Variants in KCTD2 observed in about 807,000 individuals in gnomAD.
KCTD2 encodes the protein BTB/POZ domain-containing protein KCTD2.
KCTD2 carries 18 observed loss-of-function variants against 27.9 expected under a neutral mutation model. The observed-to-expected ratio is 0.64, with a 90% CI of 0.45 to 0.96. The LOEUF (loss-of-function observed/expected upper bound fraction) is 0.96. KCTD2 is among the 40% of genes least tolerant of loss of function. The pLI, the probability that KCTD2 is intolerant of heterozygous loss-of-function variation, is 0.00. For missense variants in KCTD2, 280 were observed against 348.0 expected (o/e 0.80, Z 1.56); for synonymous variants, 175 against 148.4 (o/e 1.18, Z -1.30).
chr17:75,052,942 C>T (rs1314000498), intron 2 of KCTD2, 72 bp from the exon 3 acceptor site: 2 of 1,082,122 alleles, frequency 1.8e-6, no homozygotes, highest in Non-Finnish European at 2.9e-6. Flanking sequence ...AGCATGTAAC[C>T]TTCATCCTCT....
At chr17:75,053,975 C>T (rs2073322467) in intron 3 of KCTD2, among the ~76,000 whole-genome samples, 1 of 146,464 alleles carries the variant, frequency 6.8e-6, no homozygotes, top group African/African-American at 2.5e-5. Flanking sequence ...AACCATGCTT[C>T]TAAGAACATA....
intron 2 of KCTD2, among the ~76,000 whole-genome samples, chr17:75,034,517 A>C (rs963167798): frequency 1.3e-5 from 2 of 152,148 alleles, no homozygotes; most frequent in Non-Finnish European, 2.9e-5. Flanking sequence ...GTAAGACGCT[A>C]AACCCACGTG....
At chr17:75,052,948 C>T (rs1274013176) in intron 2 of KCTD2, 66 bp from the exon 3 acceptor site, 12 of 1,127,396 alleles carry the variant, frequency 1.1e-5, no homozygotes, top group Admixed American at 8.5e-5. Context: ...TAACCTTCAT[C>T]CTCTCCTTGG....
At chr17:75,041,905 C>T (rs28501229) in intron 3 of KCTD2, 26,191 of 288,988 alleles carry the variant, frequency 0.091, 2,766 homozygotes, top group African/African-American at 0.32. Context: ...AGGGGTGAAC[C>T]GGCCCAGGTC....
intron 2 of KCTD2, among the ~76,000 whole-genome samples, chr17:75,050,554 C>T (rs566322713): frequency 6.6e-5 from 10 of 152,212 alleles, no homozygotes; most frequent in African/African-American, 9.6e-5. Flanking sequence ...TGAGCCTCCG[C>T]GCCCGACCTG....
intron 3 of KCTD2, chr17:75,038,918 T>C: frequency 6.2e-7 from 1 of 1,611,914 alleles, no homozygotes; most frequent in South Asian, 1.1e-5. Flanking sequence ...CAGAGCTTCC[T>C]CCTGGACTCA....
chr17:75,059,659 T>A, intron 4 of KCTD2, 54 bp downstream of exon 4: 1 of 1,383,508 alleles, frequency 7.2e-7, no homozygotes, highest in Non-Finnish European at 1.0e-6. Context: ...GGTCTGCAGC[T>A]CTTCAAACAA....
At chr17:75,056,409 A>G (rs1399601477) in intron 3 of KCTD2, among the ~76,000 whole-genome samples, 1 of 152,268 alleles carries the variant, frequency 6.6e-6, no homozygotes, top group Non-Finnish European at 1.5e-5. Flanking sequence ...TTAAAGTACC[A>G]TGAATTATGT....
intron 2 of KCTD2, among the ~76,000 whole-genome samples, chr17:75,034,361 G>C (rs2040092643): frequency 6.6e-6 from 1 of 152,114 alleles, no homozygotes; most frequent in South Asian, 2.1e-4. Flanking sequence ...GTAGCGGGCA[G>C]GTGGTGGTGG....
At chr17:75,038,765 C>T (rs543331096) in intron 3 of KCTD2, 3 of 762,738 alleles carry the variant, frequency 3.9e-6, no homozygotes, top group African/African-American at 1.8e-5. Context: ...CCTGTCGAGG[C>T]TCACCTTTCC....
intron 3 of KCTD2, chr17:75,038,761 G>C (rs1401302646): frequency 1.4e-6 from 1 of 717,676 alleles, no homozygotes; most frequent in Non-Finnish European, 2.2e-6. Context: ...CAAACCTGTC[G>C]AGGCTCACCT....
intron 3 of KCTD2, chr17:75,038,758 G>T: frequency 1.4e-6 from 1 of 710,604 alleles, no homozygotes; most frequent in Non-Finnish European, 2.2e-6. Flanking sequence ...CAACAAACCT[G>T]TCGAGGCTCA....
Position 75,058,771 on chromosome 17 carries a change from C to T in KCTD2, c.541-739C>T, listed in dbSNP as rs2144938945. Among the ~76,000 whole-genome samples, 4 of 151,856 alleles carry T rather than the reference C, an allele frequency of 2.6e-5. No homozygotes were observed. In the South Asian group the frequency reaches 8.3e-4, roughly 31 times the overall value. ...TGAGATCGCGCCACTGTACTCCAGCCTGGGCGACAGAGTGAGACTGTGTCT... is the reference window on the plus strand; with the variant it reads ...TGAGATCGCGCCACTGTACTCCAGCTTGGGCGACAGAGTGAGACTGTGTCT... On this transcript the variant is annotated intron_variant, in intron 3 of 5. Coordinates refer to ENST00000322444, the MANE Select transcript of KCTD2 (RefSeq NM_015353.3).
chr17:75,060,079 C>T (rs1384144847), intron 4 of KCTD2, among the ~76,000 whole-genome samples: 3 of 152,074 alleles, frequency 2.0e-5, no homozygotes, highest in Non-Finnish European at 4.4e-5. Context: ...CGGCCGTTTC[C>T]CCTACTTCTC....
intron 2 of KCTD2, among the ~76,000 whole-genome samples, chr17:75,034,483 T>G (rs983771112): frequency 6.6e-6 from 1 of 152,134 alleles, no homozygotes; most frequent in Non-Finnish European, 1.5e-5. Context: ...GCCAGTGCCT[T>G]ATCCATTAGG....
At chr17:75,061,234 C>A (rs1296219434) in intron 4 of KCTD2, among the ~76,000 whole-genome samples, 1 of 152,242 alleles carries the variant, frequency 6.6e-6, no homozygotes, top group Non-Finnish European at 1.5e-5. Flanking sequence ...AGCCATGCCG[C>A]CCATGTGAGG....
intron 4 of KCTD2, 130 bp from the exon 5 acceptor site, chr17:75,061,990 G>T: frequency 9.9e-7 from 1 of 1,010,944 alleles, no homozygotes; most frequent in South Asian, 1.5e-5. Context: ...GGTAGTCACA[G>T]AGAACTCATA....
upstream of KCTD2, among the ~76,000 whole-genome samples, chr17:75,043,682 A>C (rs1257508212): frequency 1.3e-5 from 2 of 152,102 alleles, no homozygotes; most frequent in Non-Finnish European, 1.5e-5. Context: ...ATTACTAAAA[A>C]TAACACTCTT....
upstream of KCTD2, chr17:75,042,561 G>T: frequency 1.2e-6 from 2 of 1,612,560 alleles, no homozygotes; most frequent in Non-Finnish European, 8.5e-7. Flanking sequence ...AGGATTTCAG[G>T]GAACTAGCAA....
Sources: gnomAD v4.1 joint callset for allele counts (sites outside exome capture counted in the v4.1 genomes callset) on GRCh38, gnomAD v4.1.1 for gene constraint, MANE v1.5 for transcripts, NCBI Gene and HGNC (gene_info 2026-07-23, HGNC 2026-07-21) for gene names.